Variants in THSD4 observed in about 807,000 individuals in gnomAD.
THSD4 encodes the protein thrombospondin type 1 domain containing 4.
THSD4 carries 69 observed loss-of-function variants against 119.0 expected under a neutral mutation model. The observed-to-expected ratio is 0.58, with a 90% CI of 0.48 to 0.71. THSD4 has a LOEUF of 0.71. Ranked by LOEUF, THSD4 falls within the 30% of genes least tolerant of loss-of-function variation. The pLI, the probability that THSD4 is intolerant of heterozygous loss-of-function variation, is 0.00. For synonymous variants in THSD4, 524 were observed against 540.4 expected (o/e 0.97, Z 0.42); for missense variants, 1,393 against 1,391.1 (o/e 1.00, Z -0.02).
intron 6 of THSD4, among the ~76,000 whole-genome samples, chr15:71,365,131 T>TTGTGTGTG (rs10690804): frequency 0.018 from 2,384 of 135,896 alleles, 66 homozygotes; most frequent in African/African-American, 0.05. Flanking sequence ...GCCCCCCCCA[T>TTGTGTGTG]TGTGTGTGTG....
intron 4 of THSD4, among the ~76,000 whole-genome samples, chr15:71,218,225 T>C (rs1357556325): frequency 2.0e-5 from 3 of 152,200 alleles, no homozygotes; most frequent in Non-Finnish European, 4.4e-5. Flanking sequence ...ATGTTACACC[T>C]GAGGAATCAG....
intron 7 of THSD4, among the ~76,000 whole-genome samples, chr15:71,434,196 T>G (rs1397746508): frequency 2.0e-5 from 3 of 152,192 alleles, no homozygotes; most frequent in African/African-American, 7.2e-5. Flanking sequence ...TTTACTTGAT[T>G]TATGAGTATT....
intron 1 of THSD4, among the ~76,000 whole-genome samples, chr15:71,126,704 C>T (rs558496862): frequency 6.6e-6 from 1 of 152,220 alleles, no homozygotes; most frequent in South Asian, 2.1e-4. Flanking sequence ...GCAATTATGA[C>T]CATGCCTGAG....
At chr15:71,212,359 G>C (rs2043894299) in intron 3 of THSD4, among the ~76,000 whole-genome samples, 1 of 152,158 alleles carries the variant, frequency 6.6e-6, no homozygotes, top group Admixed American at 6.5e-5. Context: ...ACGGAATGTG[G>C]CTTCATGTTT....
At position 71,660,718 on chromosome 15, in the gene THSD4, G is replaced by C. The variant is rs371870372; in HGVS notation, c.1341G>C (p.Lys447Asn). ...AAATCAACATCACGGAGATGTACAAGAGCAACAACTATTTGGGTAAGCTTG... is the reference window on the plus strand; with the variant it reads ...AAATCAACATCACGGAGATGTACAACAGCAACAACTATTTGGGTAAGCTTG... Reference protein sequence around the residue: ...ATKINITEMYKSNNYLALRSR... With the variant: ...ATKINITEMYNSNNYLALRSR... The change falls in exon 8 of 18, where the codon AAG (lysine) becomes AAC (asparagine). Residue 447 changes from lysine (K) to asparagine (N), a missense_variant. Physicochemically the swap from Lys to Asn is moderately conservative, Grantham distance 94. Transcript: ENST00000261862. The C allele has an allele frequency of 6.2e-7, 1 of 1,614,092 alleles. No homozygotes were observed.
chr15:71,624,120 ATAACT>A (rs1267802290), intron 7 of THSD4, among the ~76,000 whole-genome samples: 5 of 152,260 alleles, frequency 3.3e-5, no homozygotes, highest in South Asian at 4.1e-4. Context: ...GGTCCAACAG[ATAACT>A]TAACATATCC....
chr15:71,606,528 T>TTTATTTA (rs1417714055), intron 7 of THSD4, among the ~76,000 whole-genome samples: 1 of 47,468 alleles, frequency 2.1e-5, no homozygotes, highest in Non-Finnish European at 5.7e-5. Context: ...ATGGCAATTG[T>TTTATTTA]TTATTTATTT....
At chr15:71,467,202 A>C (rs2047512934) in intron 7 of THSD4, among the ~76,000 whole-genome samples, 1 of 152,180 alleles carries the variant, frequency 6.6e-6, no homozygotes, top group Non-Finnish European at 1.5e-5. Flanking sequence ...TCATGAATTG[A>C]CTAACTTTAC....
chr15:71,471,775 A>G (rs1430054625), intron 7 of THSD4, among the ~76,000 whole-genome samples: 2 of 152,148 alleles, frequency 1.3e-5, no homozygotes, highest in Admixed American at 1.3e-4. Flanking sequence ...GGATTCAGGT[A>G]AGATCATCCA....
At chr15:71,692,569 T>G (rs1489983702) in intron 8 of THSD4, among the ~76,000 whole-genome samples, 1 of 152,210 alleles carries the variant, frequency 6.6e-6, no homozygotes, top group Non-Finnish European at 1.5e-5. Flanking sequence ...CAGGGTGACC[T>G]CAGCTTAGCC....
At chr15:71,322,956 G>A (rs932985866) in intron 6 of THSD4, among the ~76,000 whole-genome samples, 1 of 151,970 alleles carries the variant, frequency 6.6e-6, no homozygotes, top group Admixed American at 6.6e-5. Context: ...AATTAGTTGG[G>A]TGTGGTAACA....
chr15:71,283,047 G>A (rs1009610073), intron 6 of THSD4, among the ~76,000 whole-genome samples: 3 of 147,168 alleles, frequency 2.0e-5, no homozygotes, highest in African/African-American at 5.1e-5. Flanking sequence ...TCGGCTCACT[G>A]CAGCCTCCAC....
intron 6 of THSD4, among the ~76,000 whole-genome samples, chr15:71,402,130 C>G (rs1351680608): frequency 1.3e-5 from 2 of 151,590 alleles, no homozygotes; most frequent in African/African-American, 4.9e-5. Flanking sequence ...GAGGGATAGC[C>G]TTAGGAGATA....
intron 6 of THSD4, among the ~76,000 whole-genome samples, chr15:71,380,846 C>T (rs2415116): frequency 0.21 from 31,939 of 152,096 alleles, 3,504 homozygotes; most frequent in South Asian, 0.27. Flanking sequence ...TCCAAACCAA[C>T]TGTTAGCTGC....
chr15:71,347,330 G>T (rs2045677902), intron 6 of THSD4, among the ~76,000 whole-genome samples: 1 of 152,088 alleles, frequency 6.6e-6, no homozygotes, highest in African/African-American at 2.4e-5. Context: ...TAGATGCCCA[G>T]TTAGCACCAT....
chr15:71,649,231 A>T (rs2051034121), intron 7 of THSD4, among the ~76,000 whole-genome samples: 1 of 151,966 alleles, frequency 6.6e-6, no homozygotes, highest in African/African-American at 2.4e-5. Context: ...ACTGGAAGCA[A>T]AACTAGGCTT....
Position 71,429,081 on chromosome 15 carries a change from G to A in THSD4, c.1152+17258G>A, listed in dbSNP as rs117863097. 6.3e-3 allele frequency among the ~76,000 whole-genome samples: 955 copies of A among 152,304 alleles called. 4 individuals are homozygous for A. Among genetic ancestry groups the A allele is most frequent in the Middle Eastern group, 0.024 (7 of 294 alleles). On this transcript the variant is annotated intron_variant, in intron 7 of 17. Transcript: ENST00000261862. The stretch of plus-strand genomic sequence containing the variant: ...CCAGTCATGCTGCTGTAGGGGCCAA[G>A]CTTCCCACTTCCTCCTCTGAAGGTT...
chr15:71,451,607 C>A (rs1454408921), intron 7 of THSD4, among the ~76,000 whole-genome samples: 2 of 152,152 alleles, frequency 1.3e-5, no homozygotes, highest in African/African-American at 4.8e-5. Flanking sequence ...ACTTGGTAGA[C>A]AGAGGCATGG....
chr15:71,624,525 T>G (rs1397840370), intron 7 of THSD4, among the ~76,000 whole-genome samples: 4 of 152,258 alleles, frequency 2.6e-5, no homozygotes, highest in African/African-American at 9.6e-5. Flanking sequence ...TAGTTCTTGA[T>G]GAAAGTAATC....
Sources: gnomAD v4.1 joint callset for allele counts (sites outside exome capture counted in the v4.1 genomes callset) on GRCh38, gnomAD v4.1.1 for gene constraint, MANE v1.5 for transcripts, NCBI Gene and HGNC (gene_info 2026-07-23, HGNC 2026-07-21) for gene names.